The following GRIA3 variants were observed in gnomAD, a reference collection of about 807,000 sequenced individuals.
GRIA3 encodes glutamate receptor 3.
In GRIA3, 3 loss-of-function variants were observed where a neutral mutation model predicts 63.0. The ratio of observed to expected loss-of-function variants is 0.05; its 90% CI spans 0.02 to 0.12. The LOEUF is 0.12. Among genes scored for constraint, GRIA3 ranks in the 10% least tolerant of loss-of-function variants. The pLI is 1.00. For synonymous variants in GRIA3, 274 were observed against 257.9 expected, an observed-to-expected ratio of 1.06 and a Z score of -0.60; for missense variants, 347 against 700.9, an observed-to-expected ratio of 0.50 and a Z score of 5.70.
At chrX:123,412,738 TTTTTCC>T (rs2045513899) in intron 10 of GRIA3, among the ~76,000 whole-genome samples, 1 of 111,726 alleles carries the variant, frequency 9.0e-6, no homozygotes. Flanking sequence ...TTCCCTTGCC[TTTTTCC>T]ATCTGTAATA....
At chrX:123,274,783 A>G (rs937483527) in intron 3 of GRIA3, among the ~76,000 whole-genome samples, 1 of 111,876 alleles carries the variant, frequency 8.9e-6, no homozygotes, top group Non-Finnish European at 1.9e-5. Flanking sequence ...TGACAGTGGG[A>G]AGAATTCCAT....
intron 11 of GRIA3, among the ~76,000 whole-genome samples, chrX:123,422,555 G>A (rs755070219): frequency 8.9e-6 from 1 of 111,912 alleles, no homozygotes. Context: ...GATGGAAGAA[G>A]CATAGTGGTT....
chrX:123,380,093 A>G (rs1407737861), intron 5 of GRIA3, among the ~76,000 whole-genome samples: 1 of 111,245 alleles, frequency 9.0e-6, no homozygotes, highest in African/African-American at 3.3e-5. Flanking sequence ...GAATAGTGCC[A>G]CAATAAACAT....
At chrX:123,208,680 A>C (rs943571610) in intron 2 of GRIA3, among the ~76,000 whole-genome samples, 1 of 112,084 alleles carries the variant, frequency 8.9e-6, no homozygotes, top group Non-Finnish European at 1.9e-5. Context: ...AAAGGACCTT[A>C]AAGGTCATCT....
chrX:123,239,273 C>A (rs1888950864), intron 2 of GRIA3, among the ~76,000 whole-genome samples: 2 of 110,408 alleles, frequency 1.8e-5, no homozygotes, highest in Middle Eastern at 4.5e-3. Flanking sequence ...CTGTCACTAA[C>A]GGCCCTCAAA....
At chrX:123,448,493 G>A (rs1361311748) in intron 12 of GRIA3, among the ~76,000 whole-genome samples, 1 of 111,880 alleles carries the variant, frequency 8.9e-6, no homozygotes, top group African/African-American at 3.3e-5. Flanking sequence ...ATAAAATAGG[G>A]AAAGTGGTTC....
intron 13 of GRIA3, among the ~76,000 whole-genome samples, chrX:123,466,901 G>T (rs546357186): frequency 2.7e-5 from 3 of 112,699 alleles, no homozygotes; most frequent in East Asian, 5.6e-4. Flanking sequence ...TATCCCTCAG[G>T]ATCCTGATGG....
At chrX:123,253,789 A>T in intron 3 of GRIA3, 10 of 344,173 alleles carry the variant, frequency 2.9e-5, no homozygotes, top group East Asian at 5.1e-5. Context: ...TTGAGTCACC[A>T]TAGTTGAAAA....
intron 7 of GRIA3, among the ~76,000 whole-genome samples, 184 bp from the exon 8 acceptor site, chrX:123,402,810 A>G (rs946963948): frequency 6.3e-5 from 7 of 111,541 alleles, no homozygotes; most frequent in African/African-American, 2.3e-4. Flanking sequence ...ACTAAAAGGC[A>G]TGCCAAGAAA....
intron 13 of GRIA3, among the ~76,000 whole-genome samples, chrX:123,469,581 C>T (rs947919190): frequency 1.8e-5 from 2 of 111,681 alleles, no homozygotes; most frequent in African/African-American, 6.5e-5. Flanking sequence ...ACTGTAAATG[C>T]ACATGCAAGG....
At chrX:123,196,565 G>A (rs1475840868) in intron 2 of GRIA3, among the ~76,000 whole-genome samples, 4 of 111,896 alleles carry the variant, frequency 3.6e-5, no homozygotes, top group African/African-American at 1.3e-4. Flanking sequence ...CTAGTAGCAG[G>A]ATTCAGCTAA....
In GRIA3 at chrX:123,417,728, T is replaced by C. The variant is rs1267009657; in HGVS notation, c.1827T>C (p.Leu609=). Residue 609 remains leucine (L), a synonymous_variant, in exon 11 of 16, where the codon CTT becomes CTC. Coordinates refer to ENST00000620443, the MANE Select transcript of GRIA3 (RefSeq NM_007325.5). Reference sequence around the variant, plus strand: ...ATGAATTTGGAATATTTAACAGTCTTTGGTTTTCCTTGGGTGCCTTTATGC... The same window carrying C: ...ATGAATTTGGAATATTTAACAGTCTCTGGTTTTCCTTGGGTGCCTTTATGC... ...PPNEFGIFNS[L]WFSLGAFMQQ... is the part of the protein sequence containing the mutation. The C allele has an allele frequency of 8.6e-7, 1 of 1,169,057 alleles. No homozygotes were observed. The highest frequency in any genetic ancestry group is 1.8e-5 in the African/African-American group (1 of 56,163).
chrX:123,375,692 T>A (rs1490096061), intron 5 of GRIA3, among the ~76,000 whole-genome samples: 1 of 111,917 alleles, frequency 8.9e-6, no homozygotes, highest in African/African-American at 3.2e-5. Context: ...ACCCTTAGAA[T>A]CTAGCAATAT....
intron 2 of GRIA3, among the ~76,000 whole-genome samples, chrX:123,231,143 A>G (rs758063723): frequency 8.9e-6 from 1 of 112,026 alleles, no homozygotes; most frequent in Admixed American, 9.4e-5. Flanking sequence ...ACTATTCAAA[A>G]CATTAGCACC....
intron 3 of GRIA3, among the ~76,000 whole-genome samples, chrX:123,258,597 C>A (rs768930704): frequency 8.9e-6 from 1 of 111,792 alleles, no homozygotes; most frequent in African/African-American, 3.2e-5. Flanking sequence ...AGAACTGCAG[C>A]CAGACTCTCG....
intron 4 of GRIA3, among the ~76,000 whole-genome samples, chrX:123,334,341 A>G: frequency 9.0e-6 from 1 of 111,650 alleles, no homozygotes; most frequent in Middle Eastern, 4.6e-3. Context: ...ATATTTAGGA[A>G]TTTTATCTTC....
At chrX:123,263,035 A>G (rs1374639822) in intron 3 of GRIA3, among the ~76,000 whole-genome samples, 1 of 112,163 alleles carries the variant, frequency 8.9e-6, no homozygotes, top group East Asian at 2.8e-4. Flanking sequence ...AATAGGCAGT[A>G]AACAAAGGGA....
At chrX:123,251,441 T>C (rs2044388882) in intron 2 of GRIA3, among the ~76,000 whole-genome samples, 1 of 111,471 alleles carries the variant, frequency 9.0e-6, no homozygotes, top group African/African-American at 3.3e-5. Flanking sequence ...TATTTATTTG[T>C]TTATTTTTGA....
chrX:123,378,213 T>C (rs2045298791), intron 5 of GRIA3, among the ~76,000 whole-genome samples: 1 of 111,163 alleles, frequency 9.0e-6, no homozygotes, highest in Admixed American at 9.6e-5. Context: ...ATTACAAAAC[T>C]TAATTCAGAT....
Sources: allele counts gnomAD v4.1 joint callset (sites outside exome capture counted in the v4.1 genomes callset), GRCh38; gene constraint gnomAD v4.1.1; transcripts MANE v1.5; gene names NCBI Gene and HGNC (gene_info 2026-07-23, HGNC 2026-07-21).